Variants in PRKAG2 observed in about 807,000 individuals in gnomAD.
PRKAG2 encodes protein kinase AMP-activated non-catalytic subunit gamma 2, also known as 5'-AMP-activated protein kinase subunit gamma-2.
PRKAG2 carries 26 observed loss-of-function variants against 69.6 expected under a neutral mutation model. The observed-to-expected ratio is 0.37, with a 90% CI of 0.27 to 0.52. The LOEUF is 0.52. Among genes scored for constraint, PRKAG2 ranks in the 20% least tolerant of loss-of-function variants. The probability of loss-of-function intolerance (pLI) is 0.90; values close to 1 mark genes in which losing one functional copy is unlikely to be tolerated. For missense variants in PRKAG2, 557 were observed against 740.0 expected, an observed-to-expected ratio of 0.75 and a Z score of 2.87; for synonymous variants, 293 against 285.0, an observed-to-expected ratio of 1.03 and a Z score of -0.28.
At chr7:151,834,559 A>G (rs967287688) in intron 1 of PRKAG2, among the ~76,000 whole-genome samples, 3 of 152,182 alleles carry the variant, frequency 2.0e-5, no homozygotes, top group Non-Finnish European at 4.4e-5. Context: ...CCCTCAGGTG[A>G]GAGTCTTCCG....
At chr7:151,740,980 T>G (rs2073842123) in intron 3 of PRKAG2, among the ~76,000 whole-genome samples, 1 of 152,254 alleles carries the variant, frequency 6.6e-6, no homozygotes, top group Non-Finnish European at 1.5e-5. Context: ...TAGGTAAGTT[T>G]AGGAGTTTCA....
At chr7:151,609,010 C>T (rs574104991) in intron 5 of PRKAG2, among the ~76,000 whole-genome samples, 12 of 152,238 alleles carry the variant, frequency 7.9e-5, no homozygotes, top group African/African-American at 2.9e-4. Flanking sequence ...TATAGGCATA[C>T]ACCACTGCAA....
At chr7:151,706,189 A>G (rs1488323526) in intron 3 of PRKAG2, among the ~76,000 whole-genome samples, 1 of 152,242 alleles carries the variant, frequency 6.6e-6, no homozygotes, top group Non-Finnish European at 1.5e-5. Context: ...GGTGTCAGTC[A>G]GAGCTCCAGC....
rs996754696 is a variant in PRKAG2, at chr7:151,814,520, C to T, written c.115-27979G>A. 3.2e-6 allele frequency: 4 copies of T among 1,231,184 alleles called. No homozygotes were observed. The African/African-American group carries it at 4.7e-5, about 14-fold the overall frequency. 76.3% of individuals were successfully genotyped at this position (1,231,184 alleles called of 1,614,324 possible). A position where few individuals can be genotyped will look rare whatever the true frequency, so the allele number is the denominator to read the frequency against. On this transcript the variant is annotated intron_variant, in intron 1 of 15. Coordinates refer to ENST00000287878, the MANE Select transcript of PRKAG2 (RefSeq NM_016203.4). This position sits in a 1 kb window ranked among gnomAD's most constrained non-coding sequence, Gnocchi z 4.8. Reference sequence around the variant, plus strand: ...ATGCGAGTGACGGGGACGGGCGGCACTCCCAGCTCTGACAAATCCTGCTGC... The same window carrying T: ...ATGCGAGTGACGGGGACGGGCGGCATTCCCAGCTCTGACAAATCCTGCTGC...
chr7:151,599,659 A>G (rs1251109076), intron 5 of PRKAG2, among the ~76,000 whole-genome samples: 1 of 152,164 alleles, frequency 6.6e-6, no homozygotes, highest in African/African-American at 2.4e-5. Context: ...TCGTGGGCAC[A>G]GTTCACCATC....
intron 3 of PRKAG2, among the ~76,000 whole-genome samples, chr7:151,757,451 A>G (rs1439038660): frequency 1.3e-5 from 2 of 152,202 alleles, no homozygotes. Flanking sequence ...GATGAGACAC[A>G]GTGCCCGCTC....
At chr7:151,641,244 CTTTTTT>C (rs374667332) in intron 4 of PRKAG2, among the ~76,000 whole-genome samples, 24 of 105,690 alleles carry the variant, frequency 2.3e-4, no homozygotes, top group East Asian at 7.0e-4. Flanking sequence ...TTCTTTTTTC[CTTTTTT>C]TTTTTTTTTT....
intron 3 of PRKAG2, among the ~76,000 whole-genome samples, chr7:151,754,095 G>A (rs964948648): frequency 2.0e-5 from 3 of 152,212 alleles, no homozygotes; most frequent in Admixed American, 6.5e-5. Flanking sequence ...TACTGTCTCC[G>A]AAGGTGGGAG....
intron 4 of PRKAG2, among the ~76,000 whole-genome samples, chr7:151,667,614 T>A (rs1012901018): frequency 6.6e-6 from 1 of 152,186 alleles, no homozygotes; most frequent in African/African-American, 2.4e-5. Flanking sequence ...GGAAACAGAT[T>A]CTACCTTGGA....
At chr7:151,852,188 G>A in intron 1 of PRKAG2, among the ~76,000 whole-genome samples, 1 of 152,250 alleles carries the variant, frequency 6.6e-6, no homozygotes, top group East Asian at 1.9e-4. Context: ...CTGGGGCTAG[G>A]GGGGACAGAA....
chr7:151,677,364 A>C (rs1013148807), intron 3 of PRKAG2, among the ~76,000 whole-genome samples: 2 of 151,974 alleles, frequency 1.3e-5, no homozygotes, highest in African/African-American at 4.8e-5. Context: ...TCTTTTAAAA[A>C]TATTTTTAGT....
At position 151,862,320 on chromosome 7, in the gene PRKAG2, A is replaced by G. The variant is rs1244689319; in HGVS notation, c.114+14187T>C. Reference sequence around the variant, plus strand: ...CTTTTTTTTCTGGCCAGTAGATTGGATGGAAAAAAAAATGCCTCTTTTTGA... The same window carrying G: ...CTTTTTTTTCTGGCCAGTAGATTGGGTGGAAAAAAAAATGCCTCTTTTTGA... On this transcript the variant is annotated intron_variant, in intron 1 of 15. Coordinates refer to ENST00000287878, the MANE Select transcript of PRKAG2 (RefSeq NM_016203.4). Among the ~76,000 whole-genome samples the G allele has an allele frequency of 4.6e-5, 7 of 152,268 alleles. No individual in the cohort carries two copies. The East Asian group carries it at 1.4e-3, about 29-fold the overall frequency.
At chr7:151,803,839 G>A (rs746312222) in intron 1 of PRKAG2, among the ~76,000 whole-genome samples, 4 of 150,684 alleles carry the variant, frequency 2.7e-5, no homozygotes, top group African/African-American at 9.8e-5. Flanking sequence ...TCAGGAGGCT[G>A]AGGCAGGAGA....
chr7:151,590,461 GA>G (rs1221447803), intron 6 of PRKAG2, among the ~76,000 whole-genome samples: 1 of 152,252 alleles, frequency 6.6e-6, no homozygotes, highest in East Asian at 1.9e-4. Context: ...CCTGGCACCG[GA>G]CAGAGGGACA....
chr7:151,670,066 GCA>G (rs1312101130), intron 4 of PRKAG2, among the ~76,000 whole-genome samples: 6 of 142,386 alleles, frequency 4.2e-5, no homozygotes, highest in African/African-American at 1.1e-4. Flanking sequence ...ATACCCGCAT[GCA>G]CACTCACCTG....
rs57402981 is a variant in PRKAG2, at chr7:151,772,863, G to T, written c.466+8289C>A. Among the ~76,000 whole-genome samples, 772 of 151,770 alleles carry T rather than the reference G, an allele frequency of 5.1e-3. 5 individuals are homozygous for T. The highest frequency in any genetic ancestry group is 0.044 in the East Asian group (229 of 5,156). On this transcript the variant is annotated intron_variant, in intron 3 of 15. Transcript: ENST00000287878. ...TAACCAGGCATGGTGGTGTGCATCT[G>T]CAGTTCCACCTATTGCGGGCAAAGG...
chr7:151,622,383 C>T (rs2151279454), intron 5 of PRKAG2, among the ~76,000 whole-genome samples: 1 of 152,310 alleles, frequency 6.6e-6, no homozygotes, highest in South Asian at 2.1e-4. Flanking sequence ...CTATGGCGTG[C>T]CATTGTTTTT....
At chr7:151,703,715 A>T (rs886959413) in intron 3 of PRKAG2, among the ~76,000 whole-genome samples, 4 of 151,888 alleles carry the variant, frequency 2.6e-5, no homozygotes, top group East Asian at 1.9e-4. Context: ...ATTTAAAAAA[A>T]TTTTTTTGGC....
At chr7:151,749,463 T>C (rs2074518976) in intron 3 of PRKAG2, among the ~76,000 whole-genome samples, 1 of 152,170 alleles carries the variant, frequency 6.6e-6, no homozygotes, top group South Asian at 2.1e-4. Flanking sequence ...ACGTTGGTCA[T>C]CAAAACTCTG....
Sources: allele counts gnomAD v4.1 joint callset (sites outside exome capture counted in the v4.1 genomes callset), GRCh38; gene constraint gnomAD v4.1.1; non-coding constraint Gnocchi (gnomAD v3.1); transcripts MANE v1.5; gene names NCBI Gene and HGNC (gene_info 2026-07-23, HGNC 2026-07-21).